The following SLC2A12 variants were observed in gnomAD, a reference collection of about 807,000 sequenced individuals.
The protein encoded by SLC2A12 is solute carrier family 2 member 12.
SLC2A12 carries 23 observed loss-of-function variants against 41.8 expected under a neutral mutation model. That is an observed-to-expected ratio of 0.55 (90% CI 0.40 to 0.78). The LOEUF (loss-of-function observed/expected upper bound fraction) is 0.78. SLC2A12 is among the 30% of genes least tolerant of loss of function. The pLI, the probability that SLC2A12 is intolerant of heterozygous loss-of-function variation, is 0.00. For missense variants in SLC2A12, 654 were observed against 745.6 expected, an observed-to-expected ratio of 0.88 and a Z score of 1.43; for synonymous variants, 295 against 285.9, an observed-to-expected ratio of 1.03 and a Z score of -0.32.
chr6:133,993,755 G>T (rs1212431236), intron 4 of SLC2A12, among the ~76,000 whole-genome samples: 1 of 152,192 alleles, frequency 6.6e-6, no homozygotes, highest in African/African-American at 2.4e-5. Context: ...CAGCAAGACA[G>T]GTGGATATCT....
intron 4 of SLC2A12, among the ~76,000 whole-genome samples, chr6:133,992,252 C>T (rs1319929003): frequency 6.6e-6 from 1 of 152,080 alleles, no homozygotes; most frequent in Admixed American, 6.6e-5. Flanking sequence ...GAAGCATTGG[C>T]CTTTGCAACA....
intron 4 of SLC2A12, among the ~76,000 whole-genome samples, chr6:133,996,562 T>A (rs897227525): frequency 2.6e-5 from 4 of 152,232 alleles, no homozygotes; most frequent in Non-Finnish European, 5.9e-5. Flanking sequence ...CTAAGCAATG[T>A]GTAGTATCAT....
chr6:134,019,867 CA>C (rs1777018359), intron 2 of SLC2A12, among the ~76,000 whole-genome samples: 1 of 151,976 alleles, frequency 6.6e-6, no homozygotes, highest in Admixed American at 6.6e-5. Flanking sequence ...ACTAAAACTA[CA>C]AAAATTAACC....
At chr6:134,027,149 C>A (rs979315895) in intron 2 of SLC2A12, among the ~76,000 whole-genome samples, 1 of 152,158 alleles carries the variant, frequency 6.6e-6, no homozygotes, top group Non-Finnish European at 1.5e-5. Context: ...CTGTCTTGGT[C>A]ATTATCCTTT....
chr6:134,037,645 C>T (rs982320294), intron 1 of SLC2A12, among the ~76,000 whole-genome samples: 8 of 152,242 alleles, frequency 5.3e-5, no homozygotes, highest in East Asian at 3.9e-4. Flanking sequence ...CCACTACACC[C>T]GGCCAGGTTA....
chr6:134,000,716 A>C (rs990396370), intron 4 of SLC2A12, among the ~76,000 whole-genome samples: 1 of 152,228 alleles, frequency 6.6e-6, no homozygotes, highest in African/African-American at 2.4e-5. Context: ...CTAAAAAAGG[A>C]AAGGGAATTT....
intron 2 of SLC2A12, among the ~76,000 whole-genome samples, chr6:134,012,999 A>G (rs1231485483): frequency 2.6e-5 from 4 of 152,200 alleles, no homozygotes; most frequent in Admixed American, 2.0e-4. Context: ...AATAAATAGT[A>G]TAAGAACAAG....
At position 133,991,268 on chromosome 6, in the gene SLC2A12, G is replaced by A; in HGVS notation, c.1741C>T (p.Gln581Ter). ...KNNICFMSHH[Q>*]EELVPKQPQK... ...GGCTGTTTTGGCACTAATTCTTCTTGGTGATGACTCATAAAACAAATGTTG... is the reference window on the plus strand; with the variant it reads ...GGCTGTTTTGGCACTAATTCTTCTTAGTGATGACTCATAAAACAAATGTTG... Residue 581 changes from glutamine (Q) to a stop codon, truncating the protein, a stop_gained, in exon 5 of 5, where the codon CAA becomes TAA. Coordinates refer to ENST00000275230, the MANE Select transcript of SLC2A12 (RefSeq NM_145176.3). LOFTEE classifies it high-confidence loss of function. The A allele has an allele frequency of 6.2e-7, 1 of 1,613,888 alleles. No homozygotes were observed. Among genetic ancestry groups the A allele is most frequent in the South Asian group, 1.1e-5 (1 of 91,050 alleles).
chr6:134,015,216 T>C (rs1286010025), intron 2 of SLC2A12, among the ~76,000 whole-genome samples: 3 of 152,240 alleles, frequency 2.0e-5, no homozygotes, highest in African/African-American at 7.2e-5. Flanking sequence ...TATTGTATAA[T>C]GGCTACATTT....
intron 1 of SLC2A12, among the ~76,000 whole-genome samples, chr6:134,041,866 C>T (rs1038498484): frequency 1.2e-4 from 18 of 152,062 alleles, no homozygotes; most frequent in African/African-American, 2.9e-4. Context: ...AGAATAAACC[C>T]GCAGCTGTCT....
intron 2 of SLC2A12, among the ~76,000 whole-genome samples, chr6:134,025,114 A>G (rs1777097012): frequency 6.6e-6 from 1 of 152,226 alleles, no homozygotes; most frequent in Admixed American, 6.5e-5. Context: ...ACAATGGTCC[A>G]TTAGTATCCT....
Position 134,006,832 on chromosome 6 carries a change from A to G in SLC2A12, c.1547T>C (p.Leu516Pro). ...CTTACCAGTTACAGTCAAAAATGTC[A>G]GCGAGATGAGGAGATTGATGCCCCA... is the stretch of plus-strand genomic sequence containing the variant. ...MNWGINLLIS[L>P]TFLTVTDLIG... Residue 516 changes from leucine (L) to proline (P), a missense_variant, in exon 3 of 5, where the codon CTG becomes CCG. Leu to Pro is a moderately conservative substitution (Grantham distance 98). This residue lies in a region of SLC2A12 where 134 missense variants were observed against 180.5 expected (regional missense o/e 0.74). Coordinates refer to ENST00000275230, the MANE Select transcript of SLC2A12 (RefSeq NM_145176.3). 1 of 1,614,152 alleles carries G rather than the reference A, an allele frequency of 6.2e-7. No individual in the cohort carries two copies. The highest frequency in any genetic ancestry group is 8.5e-7 in the Non-Finnish European group (1 of 1,180,010).
chr6:134,038,041 C>T (rs944375650), intron 1 of SLC2A12, among the ~76,000 whole-genome samples: 2 of 152,170 alleles, frequency 1.3e-5, no homozygotes, highest in African/African-American at 4.8e-5. Context: ...ATCCTCTCCT[C>T]AGCACACAGT....
intron 3 of SLC2A12, among the ~76,000 whole-genome samples, chr6:134,006,193 C>CAAAAAAA (rs571711008): frequency 2.5e-5 from 3 of 121,606 alleles, no homozygotes; most frequent in Non-Finnish European, 5.1e-5. Context: ...AAAAAAAAAA[C>CAAAAAAA]AAAAAAAAAA....
intron 1 of SLC2A12, among the ~76,000 whole-genome samples, chr6:134,047,079 A>C (rs936779180): frequency 7.2e-5 from 11 of 152,184 alleles, no homozygotes; most frequent in African/African-American, 2.7e-4. Context: ...TCCGCATTTG[A>C]TATTTGGTCA....
intron 2 of SLC2A12, among the ~76,000 whole-genome samples, chr6:134,024,684 A>T (rs1777091028): frequency 6.6e-6 from 1 of 152,210 alleles, no homozygotes; most frequent in Admixed American, 6.5e-5. Flanking sequence ...TGAGATTTTT[A>T]AATGCATCTT....
chr6:134,014,920 A>G (rs1457101925), intron 2 of SLC2A12, among the ~76,000 whole-genome samples: 2 of 152,238 alleles, frequency 1.3e-5, no homozygotes, highest in Non-Finnish European at 2.9e-5. Flanking sequence ...CTGCTGCATC[A>G]TCTAACTCCG....
intron 2 of SLC2A12, among the ~76,000 whole-genome samples, chr6:134,016,032 A>G (rs1475891759): frequency 6.6e-6 from 1 of 152,150 alleles, no homozygotes; most frequent in Non-Finnish European, 1.5e-5. Context: ...AAAGAAAGAC[A>G]TTTGAGTTTT....
At position 134,047,426 on chromosome 6, in the gene SLC2A12, C is replaced by T. The variant is rs191307474; in HGVS notation, c.103+4952G>A. 8.8e-4 allele frequency among the ~76,000 whole-genome samples: 134 copies of T among 152,208 alleles called. 2 individuals are homozygous for T. Among genetic ancestry groups the T allele is most frequent in the African/African-American group, 3.2e-3 (133 of 41,530 alleles). On this transcript the variant is annotated intron_variant, in intron 1 of 4. Coordinates refer to ENST00000275230, the MANE Select transcript of SLC2A12 (RefSeq NM_145176.3). ...AACCGTGATTCTAAAATGAACTATT[C>T]TTGAATGAATAATAAAATCCTACAT...
Sources: allele counts gnomAD v4.1 joint callset (sites outside exome capture counted in the v4.1 genomes callset), GRCh38; gene constraint gnomAD v4.1.1; regional missense constraint gnomAD v4.1.1; transcripts MANE v1.5; gene names NCBI Gene and HGNC (gene_info 2026-07-23, HGNC 2026-07-21).